The following ZDHHC14 variants were observed in gnomAD, a reference collection of about 807,000 sequenced individuals.
ZDHHC14 encodes the protein zDHHC palmitoyltransferase 14.
ZDHHC14 carries 16 observed loss-of-function variants against 47.7 expected under a neutral mutation model. The ratio of observed to expected loss-of-function variants is 0.34; its 90% CI spans 0.23 to 0.51. The LOEUF is 0.51. ZDHHC14 is among the 20% of genes least tolerant of loss of function. ZDHHC14 has a pLI of 0.97. For synonymous variants in ZDHHC14, 293 were observed against 278.9 expected, an observed-to-expected ratio of 1.05 and a Z score of -0.50; for missense variants, 515 against 662.5, an observed-to-expected ratio of 0.78 and a Z score of 2.44.
intron 1 of ZDHHC14, among the ~76,000 whole-genome samples, chr6:157,532,584 C>T (rs150032910): frequency 0.011 from 1,605 of 152,266 alleles, 18 homozygotes; most frequent in Non-Finnish European, 0.018. Flanking sequence ...TTGTCCTGTA[C>T]TTTAAATAAA....
chr6:157,547,551 A>C lies in ZDHHC14; in HGVS notation c.406+4806A>C, dbSNP rs192573898. ...TCAAAGATATCTTAATTCTGTATTT[A>C]AGAGTAGAAACATTTTAATTGGAAT... On this transcript the variant is annotated intron_variant, in intron 2 of 8. Transcript: ENST00000359775. Among the ~76,000 whole-genome samples the C allele has an allele frequency of 5.2e-3, 784 of 150,616 alleles. 11 individuals carry two copies. Among genetic ancestry groups the C allele is most frequent in the African/African-American group, 0.018 (741 of 40,642 alleles).
chr6:157,643,584 G>T (rs1376111734), intron 5 of ZDHHC14, among the ~76,000 whole-genome samples: 1 of 146,040 alleles, frequency 6.8e-6, no homozygotes, highest in East Asian at 2.0e-4. Flanking sequence ...GGAGGCGGAG[G>T]TTGCAGTGAG....
intron 2 of ZDHHC14, among the ~76,000 whole-genome samples, chr6:157,553,818 A>G (rs1782344799): frequency 6.6e-6 from 1 of 152,182 alleles, no homozygotes. Flanking sequence ...GATGGCTACC[A>G]TGTAGTTGAA....
At chr6:157,497,974 G>A (rs1780107451) in intron 1 of ZDHHC14, among the ~76,000 whole-genome samples, 1 of 152,318 alleles carries the variant, frequency 6.6e-6, no homozygotes, top group Middle Eastern at 3.4e-3. Context: ...GATGAAGACA[G>A]TAAGGGCAAC....
intron 5 of ZDHHC14, among the ~76,000 whole-genome samples, chr6:157,645,031 A>C (rs1472709975): frequency 6.6e-6 from 1 of 152,098 alleles, no homozygotes; most frequent in Non-Finnish European, 1.5e-5. Context: ...CGTGGTTCCC[A>C]GCTGCCTATC....
intron 1 of ZDHHC14, among the ~76,000 whole-genome samples, chr6:157,492,181 C>A (rs1779935265): frequency 6.8e-6 from 1 of 146,434 alleles, no homozygotes; most frequent in Non-Finnish European, 1.5e-5. Context: ...TGAGCCTTGA[C>A]CCTCAACATC....
chr6:157,603,995 G>A (rs566994448), intron 3 of ZDHHC14, among the ~76,000 whole-genome samples: 7 of 152,232 alleles, frequency 4.6e-5, no homozygotes, highest in Non-Finnish European at 8.8e-5. Flanking sequence ...AACCAACCTC[G>A]AATCAAATAT....
intron 3 of ZDHHC14, among the ~76,000 whole-genome samples, chr6:157,608,129 G>A (rs1211906661): frequency 2.0e-5 from 3 of 152,138 alleles, no homozygotes; most frequent in African/African-American, 7.2e-5. Flanking sequence ...CTGACACTTC[G>A]CTGGAGGACA....
At chr6:157,637,027 C>T (rs1321333614) in intron 5 of ZDHHC14, among the ~76,000 whole-genome samples, 2 of 152,164 alleles carry the variant, frequency 1.3e-5, no homozygotes, top group Non-Finnish European at 2.9e-5. Context: ...GATTATTTAT[C>T]CTAAGTTTGT....
At chr6:157,574,348 G>GGGAGGT (rs1247380970) in intron 2 of ZDHHC14, among the ~76,000 whole-genome samples, 1 of 152,076 alleles carries the variant, frequency 6.6e-6, no homozygotes, top group East Asian at 1.9e-4. Flanking sequence ...ACTTGAACCC[G>GGGAGGT]GGAGGTGGAG....
chr6:157,555,104 C>A (rs564743798), intron 2 of ZDHHC14, among the ~76,000 whole-genome samples: 7 of 152,292 alleles, frequency 4.6e-5, no homozygotes, highest in Non-Finnish European at 7.3e-5. Flanking sequence ...CCCAGCTGTC[C>A]CTTAAGGACT....
intron 1 of ZDHHC14, among the ~76,000 whole-genome samples, chr6:157,396,215 G>A (rs1777518797): frequency 6.6e-6 from 1 of 152,062 alleles, no homozygotes; most frequent in Non-Finnish European, 1.5e-5. Context: ...GACATACCGA[G>A]GCCTTTCCAG....
In ZDHHC14 at chr6:157,642,667, A is replaced by T. The variant is rs1215642659; in HGVS notation, c.753-3070A>T. 4.6e-5 allele frequency among the ~76,000 whole-genome samples: 7 copies of T among 152,238 alleles called. No individual in the cohort carries two copies. The East Asian group carries it at 1.3e-3, about 29-fold the overall frequency. Reference sequence around the variant, plus strand: ...GCAGTAAACAAAGTCCCAGCTGCTTATGAAATTGGCTTCCAGTAGAATTGG... The same window carrying T: ...GCAGTAAACAAAGTCCCAGCTGCTTTTGAAATTGGCTTCCAGTAGAATTGG... On this transcript the variant is annotated intron_variant, in intron 5 of 8. Transcript: ENST00000359775.
rs1003105829 is a variant in ZDHHC14 at position 157,427,898 on chromosome 6, T to A, written c.245+45632T>A. Among the ~76,000 whole-genome samples the A allele has an allele frequency of 6.6e-6, 1 of 152,052 alleles. No homozygotes were observed. The highest frequency in any genetic ancestry group is 1.5e-5 in the Non-Finnish European group (1 of 68,022). On this transcript the variant is annotated intron_variant, in intron 1 of 8. Transcript: ENST00000359775. This position sits in a 1 kb window ranked among gnomAD's most constrained non-coding sequence, Gnocchi z 4.4. The stretch of plus-strand genomic sequence containing the variant: ...TCTCAGTAACAGCATAAAGGATGAA[T>A]CTAATAAATCACAATAAAACTTTTA...
intron 3 of ZDHHC14, among the ~76,000 whole-genome samples, chr6:157,610,923 T>C (rs1784727995): frequency 6.6e-6 from 1 of 152,380 alleles, no homozygotes; most frequent in East Asian, 1.9e-4. Flanking sequence ...GCAGAATCAC[T>C]GCCTGGTCGG....
At chr6:157,426,800 A>C (rs1202403229) in intron 1 of ZDHHC14, among the ~76,000 whole-genome samples, 2 of 152,204 alleles carry the variant, frequency 1.3e-5, no homozygotes, top group Non-Finnish European at 2.9e-5. Flanking sequence ...AGAGCTCAGG[A>C]GAGAAGCCGG....
At chr6:157,593,775 C>A (rs1784011612) in intron 3 of ZDHHC14, among the ~76,000 whole-genome samples, 1 of 152,224 alleles carries the variant, frequency 6.6e-6, no homozygotes, top group Non-Finnish European at 1.5e-5. Context: ...GTGACCCGGG[C>A]CCAGCCCCTG....
intron 1 of ZDHHC14, among the ~76,000 whole-genome samples, chr6:157,420,140 G>A (rs185969796): frequency 6.0e-4 from 92 of 152,312 alleles, no homozygotes; most frequent in African/African-American, 2.1e-3. Context: ...AAGCAGAATC[G>A]AGGCACTGAT....
chr6:157,674,772 G>A lies in ZDHHC14; in HGVS notation c.*1650G>A, dbSNP rs1171901250. ...TATTTGGAATGAAGGCAATTCACAGGTCACAAAATAATTCATGCTGAAAGG... is the reference window on the plus strand; with the variant it reads ...TATTTGGAATGAAGGCAATTCACAGATCACAAAATAATTCATGCTGAAAGG... On this transcript the variant is annotated 3_prime_UTR_variant, in exon 9 of 9. Coordinates refer to ENST00000359775, the MANE Select transcript of ZDHHC14 (RefSeq NM_024630.3). 1 of 152,204 alleles carries A rather than the reference G, an allele frequency of 6.6e-6. No individual in the cohort carries two copies. The highest frequency in any genetic ancestry group is 2.4e-5 in the African/African-American group (1 of 41,440). The allele number at this position is 152,204 out of a possible 1,614,324, so 9.4% of individuals were successfully genotyped here. A position where few individuals can be genotyped will look rare whatever the true frequency, so the allele number is the denominator to read the frequency against.
Sources: allele counts gnomAD v4.1 joint callset (sites outside exome capture counted in the v4.1 genomes callset), GRCh38; gene constraint gnomAD v4.1.1; non-coding constraint Gnocchi (gnomAD v3.1); transcripts MANE v1.5; gene names NCBI Gene and HGNC (gene_info 2026-07-23, HGNC 2026-07-21).